LCLAT1: variants seen among roughly 807,000 people sequenced by gnomAD.
LCLAT1 encodes 1-AGP acyltransferase 8.
In LCLAT1, 11 loss-of-function variants were observed where a neutral mutation model predicts 30.7. The ratio of observed to expected loss-of-function variants is 0.36; its 90% CI spans 0.23 to 0.59. The LOEUF (loss-of-function observed/expected upper bound fraction) is 0.59. LCLAT1 is among the 20% of genes least tolerant of loss of function. The probability of loss-of-function intolerance (pLI) is 0.77; values close to 1 mark genes in which losing one functional copy is unlikely to be tolerated. For missense variants in LCLAT1, 402 were observed against 458.6 expected (o/e 0.88, Z 1.13); for synonymous variants, 155 against 151.3 (o/e 1.02, Z -0.18).
chr2:30,525,416 C>T (rs1159665545), intron 1 of LCLAT1, among the ~76,000 whole-genome samples, 171 bp from the exon 2 acceptor site: 1 of 152,066 alleles, frequency 6.6e-6, no homozygotes, highest in Non-Finnish European at 1.5e-5. Flanking sequence ...CTTGTTAGAC[C>T]AGTAGAGCAT....
intron 1 of LCLAT1, among the ~76,000 whole-genome samples, chr2:30,521,492 CTTTTTTTTTTTTTTT>C (rs869093721): frequency 4.2e-4 from 7 of 16,816 alleles, no homozygotes; most frequent in Middle Eastern, 0.05. Context: ...ACTACTTCTT[CTTTTTTTTTTTTTTT>C]TTTTTTTTTT....
chr2:30,582,558 C>T (rs1039795066), intron 5 of LCLAT1, among the ~76,000 whole-genome samples: 1 of 152,224 alleles, frequency 6.6e-6, no homozygotes, highest in African/African-American at 2.4e-5. Flanking sequence ...GCTTATTATG[C>T]AGCTTTTACA....
chr2:30,475,137 AC>A (rs1235670795), intron 1 of LCLAT1, among the ~76,000 whole-genome samples: 2 of 151,880 alleles, frequency 1.3e-5, no homozygotes, highest in African/African-American at 4.8e-5. Flanking sequence ...AGCTGGGATT[AC>A]AAGCATGTGC....
chr2:30,466,252 T>A (rs1220692157), intron 1 of LCLAT1, among the ~76,000 whole-genome samples: 2 of 147,722 alleles, frequency 1.4e-5, no homozygotes, highest in African/African-American at 5.0e-5. Context: ...TTCTTTTCTT[T>A]CTTTCCTGCT....
chr2:30,572,997 C>T (rs1308449758), intron 5 of LCLAT1, among the ~76,000 whole-genome samples: 3 of 152,066 alleles, frequency 2.0e-5, no homozygotes, highest in African/African-American at 7.2e-5. Flanking sequence ...CATCAAATTG[C>T]AGAAGTAGCT....
At chr2:30,535,685 A>G (rs1399252494) in intron 3 of LCLAT1, among the ~76,000 whole-genome samples, 2 of 152,228 alleles carry the variant, frequency 1.3e-5, no homozygotes, top group African/African-American at 4.8e-5. Flanking sequence ...AAGCTATATC[A>G]TAAAATTGGA....
At chr2:30,511,134 A>G (rs2148358297) in intron 1 of LCLAT1, among the ~76,000 whole-genome samples, 1 of 152,308 alleles carries the variant, frequency 6.6e-6, no homozygotes, top group South Asian at 2.1e-4. Context: ...GAAAGCCAGT[A>G]GAGGCTTGCA....
chr2:30,568,219 A>C (rs750257466), intron 5 of LCLAT1, 43 bp downstream of exon 5: 5 of 1,085,370 alleles, frequency 4.6e-6, no homozygotes, highest in Non-Finnish European at 6.9e-6. Flanking sequence ...AAAAGTGGCA[A>C]AAATTGCTAA....
intron 1 of LCLAT1, among the ~76,000 whole-genome samples, chr2:30,477,739 G>A (rs1683119678): frequency 1.3e-5 from 2 of 152,180 alleles, no homozygotes; most frequent in African/African-American, 2.4e-5. Flanking sequence ...TGAAAGGAGA[G>A]ACACTCAGAG....
chr2:30,599,980 A>T (rs1288188378), intron 5 of LCLAT1, among the ~76,000 whole-genome samples: 1 of 152,118 alleles, frequency 6.6e-6, no homozygotes, highest in Admixed American at 6.6e-5. Context: ...TATTTTGCAG[A>T]CTTGTCAATG....
chr2:30,481,614 T>C (rs1683327150), intron 1 of LCLAT1, among the ~76,000 whole-genome samples: 1 of 152,040 alleles, frequency 6.6e-6, no homozygotes, highest in African/African-American at 2.4e-5. Context: ...TAGAGTAAAA[T>C]GAGGACAGAG....
chr2:30,479,756 T>C (rs1234488308), intron 1 of LCLAT1, among the ~76,000 whole-genome samples: 1 of 152,168 alleles, frequency 6.6e-6, no homozygotes, highest in Non-Finnish European at 1.5e-5. Flanking sequence ...GATTTGTGTA[T>C]TTTACTGAAC....
At chr2:30,605,998 C>A (rs1350547521) in intron 5 of LCLAT1, 2 of 1,290,650 alleles carry the variant, frequency 1.5e-6, no homozygotes, top group Non-Finnish European at 2.0e-6. Flanking sequence ...GCTCCCCACT[C>A]CCCACTCTGT....
At chr2:30,504,768 A>G (rs762704829) in intron 1 of LCLAT1, among the ~76,000 whole-genome samples, 12 of 152,134 alleles carry the variant, frequency 7.9e-5, no homozygotes, top group Non-Finnish European at 1.5e-4. Context: ...TCTATGAAAC[A>G]TTAGAGAAAG....
intron 5 of LCLAT1, among the ~76,000 whole-genome samples, chr2:30,570,570 T>A (rs539980132): frequency 8.5e-5 from 13 of 152,278 alleles, no homozygotes; most frequent in South Asian, 6.2e-4. Context: ...ATCAAAATTA[T>A]TGGAATACAG....
intron 1 of LCLAT1, among the ~76,000 whole-genome samples, chr2:30,458,162 T>G (rs72853176): frequency 0.014 from 2,092 of 152,300 alleles, 35 homozygotes; most frequent in African/African-American, 0.047. Context: ...GGTAGACATT[T>G]CTAATATGCA....
intron 1 of LCLAT1, among the ~76,000 whole-genome samples, chr2:30,495,437 A>ATTTT (rs1327458894): frequency 6.6e-6 from 1 of 152,130 alleles, no homozygotes; most frequent in Non-Finnish European, 1.5e-5. Context: ...GAAAATTTTT[A>ATTTT]CCCCATAAGT....
At chr2:30,529,435 C>G (rs1685884190) in intron 2 of LCLAT1, among the ~76,000 whole-genome samples, 1 of 152,160 alleles carries the variant, frequency 6.6e-6, no homozygotes. Flanking sequence ...TTGAATGTTT[C>G]TATAATTCGG....
chr2:30,466,829 A>G (rs1032964982), intron 1 of LCLAT1, among the ~76,000 whole-genome samples: 3 of 152,176 alleles, frequency 2.0e-5, no homozygotes, highest in Non-Finnish European at 4.4e-5. Flanking sequence ...TCATTAATTC[A>G]ACAGTTATTT....
Sources: gnomAD v4.1 joint callset for allele counts (sites outside exome capture counted in the v4.1 genomes callset) on GRCh38, gnomAD v4.1.1 for gene constraint, MANE v1.5 for transcripts, NCBI Gene and HGNC (gene_info 2026-07-23, HGNC 2026-07-21) for gene names.